The following NRXN1 variants were observed in gnomAD, a reference collection of about 807,000 sequenced individuals.
NRXN1 encodes neurexin-1.
NRXN1 carries 39 observed loss-of-function variants against 150.9 expected under a neutral mutation model. The observed-to-expected ratio is 0.26, with a 90% CI of 0.20 to 0.34. NRXN1 has a LOEUF of 0.34. Ranked by LOEUF, NRXN1 falls within the 10% of genes least tolerant of loss-of-function variation. NRXN1 has a pLI of 1.00. For synonymous variants in NRXN1, 924 were observed against 757.0 expected, an observed-to-expected ratio of 1.22 and a Z score of -3.62; for missense variants, 1,815 against 1,949.9, an observed-to-expected ratio of 0.93 and a Z score of 1.30.
chr2:50,695,484 G>C, intron 5 of NRXN1, among the ~76,000 whole-genome samples: 1 of 152,146 alleles, frequency 6.6e-6, no homozygotes. Flanking sequence ...CCCTTAGCCA[G>C]AGACATCTTG....
chr2:51,023,416 A>G (rs1377177952), intron 2 of NRXN1, among the ~76,000 whole-genome samples: 3 of 152,196 alleles, frequency 2.0e-5, no homozygotes, highest in Non-Finnish European at 4.4e-5. Context: ...TCTCAGTGGC[A>G]CATGCTGTGC....
intron 17 of NRXN1, among the ~76,000 whole-genome samples, chr2:50,374,816 G>T (rs1306955465): frequency 6.6e-6 from 1 of 152,074 alleles, no homozygotes; most frequent in Non-Finnish European, 1.5e-5. Flanking sequence ...AATAATTCCA[G>T]TTTGAATGCT....
At chr2:51,013,583 A>C (rs928828807) in intron 2 of NRXN1, among the ~76,000 whole-genome samples, 1 of 151,930 alleles carries the variant, frequency 6.6e-6, no homozygotes, top group African/African-American at 2.4e-5. Context: ...TTATTTACAT[A>C]ACTACAGAAC....
chr2:50,457,453 T>C (rs2087687040), intron 17 of NRXN1, among the ~76,000 whole-genome samples: 2 of 152,082 alleles, frequency 1.3e-5, no homozygotes, highest in African/African-American at 4.8e-5. Flanking sequence ...TTGTGCCAAC[T>C]ACTAACCATT....
intron 18 of NRXN1, among the ~76,000 whole-genome samples, chr2:50,194,152 T>C (rs2061611793): frequency 6.6e-6 from 1 of 152,160 alleles, no homozygotes; most frequent in Admixed American, 6.6e-5. Context: ...GGTAAAATGG[T>C]TATTACAGAA....
chr2:50,956,167 G>C (rs6738305), intron 2 of NRXN1, among the ~76,000 whole-genome samples: 18,844 of 152,076 alleles, frequency 0.12, 1,300 homozygotes, highest in Non-Finnish European at 0.15. Flanking sequence ...TTTTGAGAGA[G>C]AGAGATCACA....
chr2:50,501,400 A>T (rs62135009), intron 13 of NRXN1, among the ~76,000 whole-genome samples: 37 of 148,250 alleles, frequency 2.5e-4, no homozygotes, highest in South Asian at 4.3e-4. Context: ...TGTGTGTGTG[A>T]GTGTGTGTGT....
intron 5 of NRXN1, among the ~76,000 whole-genome samples, chr2:50,648,369 A>G (rs1191528628): frequency 1.3e-5 from 2 of 152,066 alleles, no homozygotes; most frequent in African/African-American, 4.8e-5. Context: ...TTTCTGAGTT[A>G]TATTTTTAGC....
Position 50,122,542 on chromosome 2 carries a change from G to A in NRXN1, c.3547-31048C>T, listed in dbSNP as rs1295866948. ...CATGGGGCTTTGTTCTTTGTTTGGC[G>A]GTTGTGAAGACATTTCAGTCTCATC... On this transcript the variant is annotated intron_variant, in intron 18 of 22. Transcript: ENST00000401669. 5.9e-5 allele frequency among the ~76,000 whole-genome samples: 9 copies of A among 152,324 alleles called. No homozygotes were observed. The South Asian group carries it at 6.2e-4, about 11-fold the overall frequency.
intron 12 of NRXN1, among the ~76,000 whole-genome samples, chr2:50,515,600 G>GGTGTGTGTGTGTGTGTGTGTGTGTGTGT (rs60612860): frequency 1.4e-5 from 2 of 143,426 alleles, no homozygotes; most frequent in African/African-American, 5.2e-5. Context: ...AAATGCTTGG[G>GGTGTGTGTGTGTGTGTGTGTGTGTGTGT]GTGTGTGTGT....
intron 5 of NRXN1, among the ~76,000 whole-genome samples, chr2:50,853,624 A>ACT (rs747501827): frequency 1.1e-4 from 16 of 152,070 alleles, no homozygotes; most frequent in South Asian, 2.1e-4. Context: ...ATATGTCAGG[A>ACT]CTCTGAGCTT....
chr2:50,421,400 G>T (rs1045679956), intron 17 of NRXN1, among the ~76,000 whole-genome samples: 1 of 151,964 alleles, frequency 6.6e-6, no homozygotes, highest in Non-Finnish European at 1.5e-5. Context: ...GGAAAGTAAG[G>T]CCTTTCTTTT....
chr2:50,579,297 T>C (rs1489305831), intron 8 of NRXN1, among the ~76,000 whole-genome samples: 1 of 152,186 alleles, frequency 6.6e-6, no homozygotes, highest in African/African-American at 2.4e-5. Flanking sequence ...CTAGAGGTGA[T>C]GTGACTAAAT....
At chr2:50,098,849 T>G (rs1558874696) in intron 18 of NRXN1, among the ~76,000 whole-genome samples, 2 of 16,808 alleles carry the variant, frequency 1.2e-4, no homozygotes, top group Admixed American at 1.0e-3. Context: ...TTTTTTTTTT[T>G]TTTTTTTTTT....
At chr2:50,389,929 C>A (rs1030284579) in intron 17 of NRXN1, among the ~76,000 whole-genome samples, 1 of 152,174 alleles carries the variant, frequency 6.6e-6, no homozygotes, top group Admixed American at 6.6e-5. Flanking sequence ...AATTTCTTTT[C>A]GTGAAAAGGT....
In NRXN1 at chr2:50,866,485, A is replaced by T. The variant is rs115171566; in HGVS notation, c.832+55384T>A. ...GACCAAAGGCAATCCACTCTGACAC[A>T]AGGTGAATAGTTTTAAGCTAAAGGT... On this transcript the variant is annotated intron_variant, in intron 5 of 22. Coordinates refer to ENST00000401669, the MANE Select transcript of NRXN1 (RefSeq NM_001330078.2). Among the ~76,000 whole-genome samples, 1,503 of 152,064 alleles carry T rather than the reference A, an allele frequency of 9.9e-3. 26 individuals are homozygous for T. The highest frequency in any genetic ancestry group is 0.034 in the African/African-American group (1,397 of 41,528).
chr2:50,042,537 T>G (rs1177190168), intron 21 of NRXN1, among the ~76,000 whole-genome samples: 1 of 152,208 alleles, frequency 6.6e-6, no homozygotes, highest in Non-Finnish European at 1.5e-5. Context: ...GGCCTGTCCT[T>G]ATAGCAGCGT....
At chr2:50,383,545 T>C (rs953044487) in intron 17 of NRXN1, among the ~76,000 whole-genome samples, 1 of 152,174 alleles carries the variant, frequency 6.6e-6, no homozygotes, top group East Asian at 1.9e-4. Flanking sequence ...GTATACATTA[T>C]ACAGTGATCA....
intron 2 of NRXN1, among the ~76,000 whole-genome samples, chr2:50,957,228 A>G (rs2104650914): frequency 6.6e-6 from 1 of 152,172 alleles, no homozygotes; most frequent in African/African-American, 2.4e-5. Context: ...ATCAAGATAA[A>G]CCTGGTTTCA....
Sources: allele counts gnomAD v4.1 joint callset (sites outside exome capture counted in the v4.1 genomes callset), GRCh38; gene constraint gnomAD v4.1.1; transcripts MANE v1.5; gene names NCBI Gene and HGNC (gene_info 2026-07-23, HGNC 2026-07-21).